The following LINGO2 variants were observed in gnomAD, a reference collection of about 807,000 sequenced individuals.
LINGO2 encodes the protein leucine rich repeat and Ig domain containing 2, also known as leucine-rich repeat and immunoglobulin-like domain-containing nogo receptor-interacting protein 2.
Under a neutral mutation model 30.6 loss-of-function variants are expected in LINGO2, and 14 were observed. That is an observed-to-expected ratio of 0.46 (90% CI 0.30 to 0.72). The LOEUF is 0.72. Ranked by LOEUF, LINGO2 falls within the 30% of genes least tolerant of loss-of-function variation. The pLI is 0.07. For synonymous variants in LINGO2, 317 were observed against 288.5 expected, an observed-to-expected ratio of 1.10 and a Z score of -1.00; for missense variants, 729 against 751.7, an observed-to-expected ratio of 0.97 and a Z score of 0.35.
intron 1 of LINGO2, among the ~76,000 whole-genome samples, chr9:28,663,843 G>C (rs1289514857): frequency 6.6e-6 from 1 of 152,154 alleles, no homozygotes; most frequent in Non-Finnish European, 1.5e-5. Flanking sequence ...ATAAGGATTA[G>C]TATGGGGTTG....
intron 4 of LINGO2, among the ~76,000 whole-genome samples, chr9:28,043,050 G>C (rs977400454): frequency 2.0e-5 from 3 of 152,226 alleles, no homozygotes; most frequent in African/African-American, 7.2e-5. Context: ...TAGATAGGAT[G>C]CACAGGCAAA....
chr9:28,167,148 C>CT (rs1046611642), intron 4 of LINGO2, among the ~76,000 whole-genome samples: 1 of 141,914 alleles, frequency 7.0e-6, no homozygotes, highest in Non-Finnish European at 1.5e-5. Context: ...CACCCCCCCC[C>CT]CCCACTTTTC....
chr9:28,575,965 C>T (rs998022924), intron 1 of LINGO2, among the ~76,000 whole-genome samples: 1 of 150,780 alleles, frequency 6.6e-6, no homozygotes, highest in Non-Finnish European at 1.5e-5. Flanking sequence ...CATATCCCCC[C>T]ACACAGGGAC....
the LINGO2 span, among the ~76,000 whole-genome samples, chr9:28,749,249 C>T: frequency 0.017 from 2,636 of 152,028 alleles, 88 homozygotes; most frequent in African/African-American, 0.061. Flanking sequence ...AAGCCCTCTC[C>T]TCTGGAAAAT....
chr9:28,654,679 G>A (rs774934508), intron 1 of LINGO2, among the ~76,000 whole-genome samples: 6 of 152,048 alleles, frequency 3.9e-5, no homozygotes, highest in Non-Finnish European at 7.4e-5. Flanking sequence ...AGCTTTTGAA[G>A]AGGCAATCCT....
intron 2 of LINGO2, among the ~76,000 whole-genome samples, chr9:28,431,029 TGA>T (rs57751993): frequency 0.039 from 5,029 of 129,212 alleles, 90 homozygotes; most frequent in Non-Finnish European, 0.046. Flanking sequence ...GCATGAGTGA[TGA>T]GAGAGAGAGA....
intron 4 of LINGO2, among the ~76,000 whole-genome samples, chr9:28,187,574 A>G (rs1233070060): frequency 1.3e-5 from 2 of 152,146 alleles, no homozygotes; most frequent in Non-Finnish European, 2.9e-5. Context: ...ATTGTCATCA[A>G]TGAAGAAGAA....
chr9:28,883,907 A>T, the LINGO2 span, among the ~76,000 whole-genome samples: 1 of 150,630 alleles, frequency 6.6e-6, no homozygotes, highest in Non-Finnish European at 1.5e-5. Flanking sequence ...CGAACTCCTG[A>T]CCTCAAGTGA....
chr9:28,689,768 ACATACACTG>A, the LINGO2 span, among the ~76,000 whole-genome samples: 4 of 152,206 alleles, frequency 2.6e-5, no homozygotes, highest in African/African-American at 7.2e-5. Flanking sequence ...TATGTTCACT[ACATACACTG>A]CATACACTGC....
chr9:29,208,952 C>CT, the LINGO2 span, among the ~76,000 whole-genome samples: 1 of 152,100 alleles, frequency 6.6e-6, no homozygotes, highest in East Asian at 1.9e-4. Context: ...ATAGATACAG[C>CT]AACTGTATCT....
chr9:28,778,931 T>A, the LINGO2 span, among the ~76,000 whole-genome samples: 4 of 152,164 alleles, frequency 2.6e-5, no homozygotes, highest in African/African-American at 9.6e-5. Context: ...GGATTATCTA[T>A]ATCTGTACAT....
rs137887785 is a variant in LINGO2 at position 28,274,212 on chromosome 9, A to G, written c.-87+20996T>C. On this transcript the variant is annotated intron_variant, in intron 4 of 5. Coordinates refer to ENST00000379992, the Ensembl canonical transcript of LINGO2. ...ATCAAAATAATGTTTCCTGGTGACA[A>G]ATTTATTCCTAATCATTCTCTCCTC... is the stretch of plus-strand genomic sequence containing the variant. Among the ~76,000 whole-genome samples, 84 of 152,256 alleles carry G rather than the reference A, an allele frequency of 5.5e-4. 1 individual carries two copies. In the East Asian group the frequency reaches 0.014, roughly 25 times the overall value.
At position 28,147,672 on chromosome 9, in the gene LINGO2, G is replaced by T. The variant is rs1174817448; in HGVS notation, c.-86-135267C>A. Among the ~76,000 whole-genome samples the T allele has an allele frequency of 6.6e-6, 1 of 152,128 alleles. No homozygotes were observed. The highest frequency in any genetic ancestry group is 1.5e-5 in the Non-Finnish European group (1 of 68,014). On this transcript the variant is annotated intron_variant, in intron 4 of 5. Coordinates refer to ENST00000379992, the Ensembl canonical transcript of LINGO2. This position sits in a 1 kb window ranked among gnomAD's most constrained non-coding sequence, Gnocchi z 4.7. ...CAGGTGGAAGGGCTCTGGCGGATCA[G>T]CCCCGCACCCCCAACAGCCCCACGG...
the LINGO2 span, among the ~76,000 whole-genome samples, chr9:29,176,238 C>T: frequency 1.3e-5 from 2 of 152,172 alleles, no homozygotes. Flanking sequence ...ACCTTGCCTC[C>T]ACAGTGTTTT....
At chr9:27,961,594 C>A (rs1819849996) in intron 5 of LINGO2, among the ~76,000 whole-genome samples, 1 of 152,136 alleles carries the variant, frequency 6.6e-6, no homozygotes, top group Non-Finnish European at 1.5e-5. Flanking sequence ...ACACGTTATC[C>A]GGAGAGCAAT....
intron 5 of LINGO2, among the ~76,000 whole-genome samples, chr9:28,003,330 G>C (rs568123284): frequency 7.5e-6 from 1 of 133,674 alleles, no homozygotes; most frequent in African/African-American, 3.0e-5. Context: ...TAACCATATA[G>C]ATATATAGAT....
At chr9:28,367,479 A>G (rs1352677720) in intron 3 of LINGO2, among the ~76,000 whole-genome samples, 1 of 151,678 alleles carries the variant, frequency 6.6e-6, no homozygotes, top group East Asian at 1.9e-4. Context: ...GGGAAATGTT[A>G]TCTCCTTCTT....
intron 4 of LINGO2, among the ~76,000 whole-genome samples, chr9:28,016,658 C>CAAT (rs74180785): frequency 1 from 145,063 of 145,106 alleles, 72,510 homozygotes; most frequent in Middle Eastern, 1. Context: ...CCAAACATAT[C>CAAT]AATGAGTTCC....
At chr9:28,729,199 G>C in the LINGO2 span, among the ~76,000 whole-genome samples, 43 of 152,144 alleles carry the variant, frequency 2.8e-4, 1 homozygote, top group Non-Finnish European at 5.9e-5. Context: ...ACTTCTTAAA[G>C]AATTATCAGC....
Sources: gnomAD v4.1 joint callset for allele counts (sites outside exome capture counted in the v4.1 genomes callset) on GRCh38, gnomAD v4.1.1 for gene constraint, Gnocchi (gnomAD v3.1) non-coding constraint, MANE v1.5 for transcripts, NCBI Gene and HGNC (gene_info 2026-07-23, HGNC 2026-07-21) for gene names.